The following USP24 variants were observed in gnomAD, a reference collection of about 807,000 sequenced individuals.
USP24 encodes the protein ubiquitin carboxyl-terminal hydrolase 24.
USP24 carries 97 observed loss-of-function variants against 361.6 expected under a neutral mutation model. The ratio of observed to expected loss-of-function variants is 0.27; its 90% CI spans 0.23 to 0.32. USP24 has a LOEUF of 0.32. Among genes scored for constraint, USP24 ranks in the 10% least tolerant of loss-of-function variants. The probability of loss-of-function intolerance (pLI) is 1.00; values close to 1 mark genes in which losing one functional copy is unlikely to be tolerated. For missense variants in USP24, 2,353 were observed against 3,165.6 expected, an observed-to-expected ratio of 0.74 and a Z score of 6.16; for synonymous variants, 1,098 against 1,124.6, an observed-to-expected ratio of 0.98 and a Z score of 0.47.
intron 1 of USP24, among the ~76,000 whole-genome samples, chr1:55,205,069 G>C (rs1644670739): frequency 6.6e-6 from 1 of 152,132 alleles, no homozygotes; most frequent in South Asian, 2.1e-4. Flanking sequence ...AACTACCAAT[G>C]GCCCCACAAT....
At chr1:55,096,220 C>G (rs630853) in intron 50 of USP24, among the ~76,000 whole-genome samples, 131,974 of 152,216 alleles carry the variant, frequency 0.87, 57,297 homozygotes, top group East Asian at 1. Flanking sequence ...GTATTCATTA[C>G]TTTCTCTCTG....
At position 55,072,814 on chromosome 1, in the gene USP24, C is replaced by G; in HGVS notation, c.7574G>C (p.Ser2525Thr). 1.9e-6 allele frequency: 3 copies of G among 1,607,566 alleles called. No homozygotes were observed. Among genetic ancestry groups the G allele is most frequent in the Non-Finnish European group, 2.5e-6 (3 of 1,176,950 alleles). The change falls in exon 65 of 68, where the codon AGC (serine) becomes ACC (threonine). Residue 2525 changes from serine to threonine, a missense_variant. Ser to Thr is a moderately conservative substitution (Grantham distance 58). Coordinates refer to ENST00000294383, the MANE Select transcript of USP24 (RefSeq NM_015306.3). ...CTTCTGTAGCCACTGCACAGCCCAG[C>G]TCCAGTGGTGGGAATTCTCCTTGAA... Reference protein sequence around the residue: ...EYFKENSHHWSWAVQWLQKKM... With the variant: ...EYFKENSHHWTWAVQWLQKKM...
intron 67 of USP24, among the ~76,000 whole-genome samples, chr1:55,070,689 GAGAAGAGAGGCTTTGACAGGGC>G (rs372258159): frequency 0.028 from 4,224 of 152,282 alleles, 64 homozygotes; most frequent in Non-Finnish European, 0.037. Flanking sequence ...GGGCAACAGG[GAGAAGAGAGGCTTTGACAGGGC>G]AGAAGAGAGG....
intron 1 of USP24, among the ~76,000 whole-genome samples, chr1:55,206,713 TG>T (rs1644716632): frequency 7.3e-6 from 1 of 136,890 alleles, no homozygotes; most frequent in South Asian, 2.3e-4. Context: ...GTAGTAACAG[TG>T]AGGATAGAGG....
intron 1 of USP24, among the ~76,000 whole-genome samples, chr1:55,182,390 T>G (rs1337780276): frequency 6.6e-6 from 1 of 152,126 alleles, no homozygotes; most frequent in Non-Finnish European, 1.5e-5. Context: ...TAGCCCCAAC[T>G]GTAAGAAAAT....
At position 55,144,093 on chromosome 1, in the gene USP24, C is replaced by T. The variant is rs1300576697; in HGVS notation, c.2439+34G>A. 2.7e-6 allele frequency: 4 copies of T among 1,505,830 alleles called. No individual in the cohort carries two copies. In the African/African-American group the frequency reaches 5.7e-5, roughly 21 times the overall value. 93.3% of individuals were successfully genotyped at this position (1,505,830 alleles called of 1,614,324 possible). ...TGAATATCAAGTTATACTAGATTAT[C>T]CAAACTATCTAGATTTGAGAATAAC... On this transcript the variant is annotated intron_variant, in intron 21 of 67. Coordinates refer to ENST00000294383, the MANE Select transcript of USP24 (RefSeq NM_015306.3).
intron 67 of USP24, among the ~76,000 whole-genome samples, chr1:55,069,587 T>C (rs943005746): frequency 1.3e-5 from 2 of 152,006 alleles, no homozygotes; most frequent in Non-Finnish European, 2.9e-5. Flanking sequence ...GGGGCTGATC[T>C]AGTTGGAGCT....
chr1:55,072,614 A>AT (rs1322962604), intron 65 of USP24, among the ~76,000 whole-genome samples, 172 bp downstream of exon 65: 1 of 152,212 alleles, frequency 6.6e-6, no homozygotes, highest in Non-Finnish European at 1.5e-5. Flanking sequence ...GTTAAGACAT[A>AT]TGTATTAGGA....
intron 41 of USP24, among the ~76,000 whole-genome samples, chr1:55,105,245 C>T (rs1645739319): frequency 6.6e-6 from 1 of 152,120 alleles, no homozygotes; most frequent in South Asian, 2.1e-4. Flanking sequence ...CCAAATCTTC[C>T]AAAACAGGGC....
intron 1 of USP24, among the ~76,000 whole-genome samples, chr1:55,206,423 A>T (rs1644706600): frequency 6.6e-6 from 1 of 152,190 alleles, no homozygotes; most frequent in Non-Finnish European, 1.5e-5. Context: ...AAGAGATATC[A>T]GGGAGTAGGA....
chr1:55,107,460 A>C, intron 39 of USP24, 30 bp from the exon 40 acceptor site: 1 of 1,525,320 alleles, frequency 6.6e-7, no homozygotes, highest in African/African-American at 1.4e-5. Context: ...TCCATTACAA[A>C]GAAAGAAGGA....
rs567606904 is a variant in USP24 at position 55,182,289 on chromosome 1, G to C, written c.325-4157C>G. Among the ~76,000 whole-genome samples, 15 of 152,274 alleles carry C rather than the reference G, an allele frequency of 9.9e-5. No individual in the cohort carries two copies. The South Asian group carries it at 3.1e-3, about 32-fold the overall frequency. ...ATGGTCTCGATCTCTTGACCTCATC[G>C]TGATATGCCCACCTTGGCCTCCCAA... On this transcript the variant is annotated intron_variant, in intron 1 of 67. Transcript: ENST00000294383.
chr1:55,215,042 G>T lies in USP24; in HGVS notation c.72C>A (p.Arg24=). ...CMGFSDPATI[R]KALRLAKNDI... is the part of the protein sequence containing the mutation. Reference sequence around the variant, plus strand: ...CGTTCTTGGCCAGGCGCAGGGCCTTGCGGATGGTGGCGGGGTCTGAGAAGC... The same window carrying T: ...CGTTCTTGGCCAGGCGCAGGGCCTTTCGGATGGTGGCGGGGTCTGAGAAGC... Residue 24 remains arginine, a synonymous_variant, in exon 1 of 68, where the codon CGC becomes CGA. Coordinates refer to ENST00000294383, the MANE Select transcript of USP24 (RefSeq NM_015306.3). 1.4e-6 allele frequency: 2 copies of T among 1,469,912 alleles called. No homozygotes were observed. Among genetic ancestry groups the T allele is most frequent in the South Asian group, 1.3e-5 (1 of 76,012 alleles). The allele number at this position is 1,469,912 out of a possible 1,614,324, so 91.1% of individuals were successfully genotyped here.
At chr1:55,086,142 C>T (rs1267370347) in intron 55 of USP24, 104 bp from the exon 56 acceptor site, 3 of 1,105,530 alleles carry the variant, frequency 2.7e-6, no homozygotes, top group Non-Finnish European at 4.0e-6. Flanking sequence ...AAAGTAGAGT[C>T]TCCTGACAGT....
intron 28 of USP24, among the ~76,000 whole-genome samples, chr1:55,137,169 A>G (rs1646760895): frequency 6.6e-6 from 1 of 152,244 alleles, no homozygotes; most frequent in Non-Finnish European, 1.5e-5. Flanking sequence ...CACACGTATC[A>G]GCTTCAATGA....
chr1:55,188,267 C>T (rs1041851764), intron 1 of USP24, among the ~76,000 whole-genome samples: 21 of 151,920 alleles, frequency 1.4e-4, no homozygotes, highest in Admixed American at 3.9e-4. Flanking sequence ...AAAACTAACT[C>T]AATGTAACGC....
chr1:55,116,036 G>T (rs1007816572), intron 38 of USP24, among the ~76,000 whole-genome samples: 44 of 152,134 alleles, frequency 2.9e-4, no homozygotes, highest in Admixed American at 3.3e-4. Flanking sequence ...CAGGCTAGGG[G>T]AGGGATAGCA....
chr1:55,182,213 G>A (rs753023491), intron 1 of USP24, among the ~76,000 whole-genome samples: 7 of 152,056 alleles, frequency 4.6e-5, no homozygotes, highest in East Asian at 1.9e-4. Flanking sequence ...CACCACGCCC[G>A]GCTAATTTTT....
Position 55,086,718 on chromosome 1 carries a change from C to T in USP24, c.6669-680G>A, listed in dbSNP as rs1006979731. On this transcript the variant is annotated intron_variant, in intron 55 of 67. Coordinates refer to ENST00000294383, the MANE Select transcript of USP24 (RefSeq NM_015306.3). ...GAGATGAACTTTACCTTCAGATACA[C>T]GCTGAAAATTTATTGTGAAATGATA... 5.9e-5 allele frequency among the ~76,000 whole-genome samples: 9 copies of T among 152,148 alleles called. No homozygotes were observed. In the South Asian group the frequency reaches 6.2e-4, roughly 11 times the overall value.
Sources: allele counts gnomAD v4.1 joint callset (sites outside exome capture counted in the v4.1 genomes callset), GRCh38; gene constraint gnomAD v4.1.1; transcripts MANE v1.5; gene names NCBI Gene and HGNC (gene_info 2026-07-23, HGNC 2026-07-21).